Variants in PPP2R1B observed in about 807,000 individuals in gnomAD.
The protein encoded by PPP2R1B is protein phosphatase 2 scaffold subunit Abeta.
A neutral mutation model predicts 72.7 loss-of-function variants in PPP2R1B; 58 were observed. That is an observed-to-expected ratio of 0.80 (90% CI 0.65 to 0.99). The LOEUF (loss-of-function observed/expected upper bound fraction) is 0.99, where lower values mean the gene tolerates loss of function less well. PPP2R1B is among the 50% of genes least tolerant of loss of function. PPP2R1B has a pLI of 0.00. For synonymous variants in PPP2R1B, 256 were observed against 264.6 expected (o/e 0.97, Z 0.32); for missense variants, 695 against 733.6 (o/e 0.95, Z 0.61).
chr11:111,720,374 A>T, the PPP2R1B span: 1 of 1,185,414 alleles, frequency 8.4e-7, no homozygotes, highest in Non-Finnish European at 1.2e-6. Context: ...ATTGGAAATT[A>T]AGGACATGGT....
chr11:111,693,249 G>T, the PPP2R1B span, among the ~76,000 whole-genome samples: 3 of 151,844 alleles, frequency 2.0e-5, no homozygotes, highest in South Asian at 6.2e-4. Flanking sequence ...GGAGAGAATC[G>T]CTTGAACCAG....
chr11:111,757,753 T>C (rs1350577092), intron 5 of PPP2R1B, among the ~76,000 whole-genome samples: 1 of 150,468 alleles, frequency 6.6e-6, no homozygotes, highest in Non-Finnish European at 1.5e-5. Context: ...GAGAATCACT[T>C]GAACCCGGGA....
intron 10 of PPP2R1B, among the ~76,000 whole-genome samples, chr11:111,749,859 A>G (rs1460674135): frequency 9.2e-5 from 14 of 152,210 alleles, no homozygotes; most frequent in Non-Finnish European, 4.4e-5. Flanking sequence ...TAGAGCTAGC[A>G]ACCCTGGGAA....
chr11:111,716,311 G>A, the PPP2R1B span, among the ~76,000 whole-genome samples: 14 of 152,168 alleles, frequency 9.2e-5, no homozygotes, highest in African/African-American at 2.2e-4. Flanking sequence ...GGCCAGGTGC[G>A]GTGGCTTACA....
At chr11:111,697,559 A>G in the PPP2R1B span, among the ~76,000 whole-genome samples, 3 of 152,148 alleles carry the variant, frequency 2.0e-5, no homozygotes, top group African/African-American at 7.2e-5. Flanking sequence ...TGTTGTCCCT[A>G]TTTTTCAAAT....
chr11:111,690,340 C>T, the PPP2R1B span, among the ~76,000 whole-genome samples: 1 of 150,380 alleles, frequency 6.6e-6, no homozygotes, highest in Non-Finnish European at 1.5e-5. Context: ...TACACCTTTA[C>T]ATTCCCTTAT....
At chr11:111,722,637 C>T (rs138243363), downstream of PPP2R1B, 165 of 1,604,374 alleles carry the variant, frequency 1.0e-4, 3 homozygotes, top group South Asian at 1.5e-3. The surrounding 1 kb of genome is among the most constrained non-coding windows in gnomAD (Gnocchi z 4.4). Context: ...CACATTGTCA[C>T]GCTCATGTTG....
At chr11:111,699,087 G>A in the PPP2R1B span, among the ~76,000 whole-genome samples, 1 of 152,184 alleles carries the variant, frequency 6.6e-6, no homozygotes, top group South Asian at 2.1e-4. Flanking sequence ...TCATAGAGGT[G>A]GTACTGTGAA....
the PPP2R1B span, among the ~76,000 whole-genome samples, chr11:111,711,090 A>G: frequency 5.3e-5 from 8 of 151,814 alleles, no homozygotes; most frequent in South Asian, 1.7e-3. Flanking sequence ...ATTTTTGCCA[A>G]TTGTCATAAG....
intron 9 of PPP2R1B, among the ~76,000 whole-genome samples, 153 bp downstream of exon 9, chr11:111,753,290 C>T (rs12284463): frequency 0.087 from 13,250 of 152,172 alleles, 1,888 homozygotes; most frequent in African/African-American, 0.3. Flanking sequence ...CCTATAACCC[C>T]ATACCCAAAA....
chr11:111,714,598 A>G, the PPP2R1B span, among the ~76,000 whole-genome samples: 2 of 152,328 alleles, frequency 1.3e-5, no homozygotes, highest in African/African-American at 2.4e-5. Flanking sequence ...TTGATAGACT[A>G]TTAAGGTCTA....
chr11:111,763,071 G>A (rs1555051866), intron 3 of PPP2R1B, among the ~76,000 whole-genome samples: 1 of 152,214 alleles, frequency 6.6e-6, no homozygotes, highest in Non-Finnish European at 1.5e-5. Context: ...GGATGATGTA[G>A]TAAGGGATGA....
chr11:111,742,722 A>T, intron 12 of PPP2R1B, 57 bp from the exon 13 acceptor site: 1 of 1,418,808 alleles, frequency 7.0e-7, no homozygotes. Flanking sequence ...CCAAAATCTA[A>T]TGAAACAAAT....
the PPP2R1B span, chr11:111,721,865 T>C: frequency 3.1e-6 from 5 of 1,612,430 alleles, no homozygotes; most frequent in Non-Finnish European, 4.2e-6. Flanking sequence ...GCGTCTCCAC[T>C]CTCCCTGCCA....
At chr11:111,755,162 G>A (rs532724677) in intron 6 of PPP2R1B, 68 bp from the exon 7 acceptor site, 1 of 1,536,502 alleles carries the variant, frequency 6.5e-7, no homozygotes, top group Non-Finnish European at 8.9e-7. Flanking sequence ...AAACAAAATT[G>A]TGCAATCTGT....
At chr11:111,760,612 G>A (rs868928931) in intron 4 of PPP2R1B, among the ~76,000 whole-genome samples, 5 of 151,528 alleles carry the variant, frequency 3.3e-5, no homozygotes, top group African/African-American at 7.3e-5. Context: ...TTGTGCCACC[G>A]CACTCCAGCC....
chr11:111,698,756 G>A, the PPP2R1B span, among the ~76,000 whole-genome samples: 58 of 152,292 alleles, frequency 3.8e-4, no homozygotes, highest in Non-Finnish European at 6.5e-4. Flanking sequence ...AGTGCTATTT[G>A]GAGAGTATCC....
the PPP2R1B span, among the ~76,000 whole-genome samples, chr11:111,703,045 A>G: frequency 6.6e-6 from 1 of 152,240 alleles, no homozygotes; most frequent in Non-Finnish European, 1.5e-5. Flanking sequence ...CTTGAGAAAT[A>G]TAAGTAGCCT....
At chr11:111,763,373 G>A (rs1464808172) in intron 3 of PPP2R1B, among the ~76,000 whole-genome samples, 1 of 152,130 alleles carries the variant, frequency 6.6e-6, no homozygotes, top group South Asian at 2.1e-4. Flanking sequence ...CTACAGAGGC[G>A]GGTCATAAAA....
Sources: gnomAD v4.1 joint callset for allele counts (sites outside exome capture counted in the v4.1 genomes callset) on GRCh38, gnomAD v4.1.1 for gene constraint, Gnocchi (gnomAD v3.1) non-coding constraint, MANE v1.5 for transcripts, NCBI Gene and HGNC (gene_info 2026-07-23, HGNC 2026-07-21) for gene names.